Variants in CD44 observed in about 807,000 individuals in gnomAD.
The protein encoded by CD44 is CD44 antigen.
CD44 carries 49 observed loss-of-function variants against 88.8 expected under a neutral mutation model. The ratio of observed to expected loss-of-function variants is 0.55; its 90% confidence interval spans 0.44 to 0.70. The LOEUF is 0.70. CD44 is among the 30% of genes least tolerant of loss of function. The pLI, the probability that CD44 is intolerant of heterozygous loss-of-function variation, is 0.00. For synonymous variants in CD44, 325 were observed against 312.3 expected, an observed-to-expected ratio of 1.04 and a Z score of -0.43; for missense variants, 883 against 913.8, an observed-to-expected ratio of 0.97 and a Z score of 0.43.
At chr11:35,227,271 G>A (rs542502183) in intron 17 of CD44, among the ~76,000 whole-genome samples, 12 of 152,164 alleles carry the variant, frequency 7.9e-5, no homozygotes, top group Middle Eastern at 3.4e-3. Flanking sequence ...CTGCAGCCTC[G>A]ACTTCCTGGG....
chr11:35,210,112 G>A (rs1393545450), intron 13 of CD44, 58 bp downstream of exon 13: 2 of 992,362 alleles, frequency 2.0e-6, no homozygotes. Flanking sequence ...TCAATTATGG[G>A]TACTTTTGCA....
intron 7 of CD44, among the ~76,000 whole-genome samples, chr11:35,199,928 G>A (rs1947128715): frequency 2.1e-5 from 2 of 93,036 alleles, no homozygotes; most frequent in African/African-American, 8.3e-5. Context: ...AATTTCCCAT[G>A]GTGTTGTTTT....
chr11:35,202,266 A>C (rs1024401746), intron 9 of CD44, among the ~76,000 whole-genome samples: 1 of 152,128 alleles, frequency 6.6e-6, no homozygotes, highest in African/African-American at 2.4e-5. Flanking sequence ...CTTTAGAGCA[A>C]AGTTGGTAGC....
intron 1 of CD44, among the ~76,000 whole-genome samples, chr11:35,149,301 C>T (rs1338166758): frequency 2.0e-5 from 3 of 152,144 alleles, no homozygotes; most frequent in Non-Finnish European, 4.4e-5. Flanking sequence ...TAATCAGATG[C>T]TTGGTGTGGT....
chr11:35,147,954 G>A (rs908596097), intron 1 of CD44, among the ~76,000 whole-genome samples: 36 of 152,114 alleles, frequency 2.4e-4, no homozygotes, highest in Non-Finnish European at 8.8e-5. Context: ...AGCCGGGCAT[G>A]GTGGTGCATG....
At chr11:35,139,876 A>G (rs12362973) in intron 1 of CD44, among the ~76,000 whole-genome samples, 23,351 of 152,270 alleles carry the variant, frequency 0.15, 2,276 homozygotes, top group Non-Finnish European at 0.21. Flanking sequence ...GTTTTCCAGA[A>G]AGGGGTCCTG....
In CD44 at chr11:35,231,036, T is replaced by A. The variant is rs1379299210; in HGVS notation, c.*1703T>A. The stretch of plus-strand genomic sequence containing the variant: ...AAGGAGAGATGTCAACTTTCTGCAC[T>A]ATTCCCAGCCTCTGCTCCTCCCTGT... On this transcript the variant is annotated 3_prime_UTR_variant, in exon 18 of 18. Coordinates refer to ENST00000428726, the MANE Select transcript of CD44 (RefSeq NM_000610.4). 6.5e-6 allele frequency: 1 copy of A among 153,724 alleles called. No homozygotes were observed. Among genetic ancestry groups the A allele is most frequent in the Non-Finnish European group, 1.5e-5 (1 of 68,668 alleles). The allele number at this position is 153,724 out of a possible 1,614,324, so 9.5% of individuals were successfully genotyped here.
chr11:35,178,609 T>C (rs1398697914), intron 2 of CD44, among the ~76,000 whole-genome samples: 16 of 152,186 alleles, frequency 1.1e-4, no homozygotes, highest in Non-Finnish European at 1.2e-4. Flanking sequence ...TCATGCCACA[T>C]ACACACATAT....
intron 17 of CD44, among the ~76,000 whole-genome samples, chr11:35,227,578 C>T (rs1949793228): frequency 6.6e-6 from 1 of 152,228 alleles, no homozygotes; most frequent in Non-Finnish European, 1.5e-5. Context: ...CATCCTTCCC[C>T]CAACCCCTCA....
At chr11:35,185,565 C>T (rs1945579311) in intron 3 of CD44, among the ~76,000 whole-genome samples, 1 of 149,462 alleles carries the variant, frequency 6.7e-6, no homozygotes, top group African/African-American at 2.5e-5. Flanking sequence ...TGTCTGCCTG[C>T]CTGTCTTCCT....
intron 1 of CD44, among the ~76,000 whole-genome samples, chr11:35,143,167 G>T (rs1858351156): frequency 6.6e-6 from 1 of 151,574 alleles, no homozygotes; most frequent in Non-Finnish European, 1.5e-5. Flanking sequence ...ATATATTTTT[G>T]ACCATATAGC....
Position 35,223,128 on chromosome 11 carries a change from G to A in CD44, c.2024+1396G>A, listed in dbSNP as rs889679616. 5.1e-6 allele frequency: 5 copies of A among 985,254 alleles called. No homozygotes were observed. In the African/African-American group the frequency reaches 8.7e-5, roughly 17 times the overall value. 61.0% of individuals were successfully genotyped at this position (985,254 alleles called of 1,614,324 possible). On this transcript the variant is annotated intron_variant, in intron 17 of 17. Transcript: ENST00000428726. ...GGGCATAGTTTTAAAAAGTAGTTAT[G>A]CTACCTGATTGTATAAGGAACAAAA...
intron 1 of CD44, among the ~76,000 whole-genome samples, chr11:35,165,311 G>A (rs1470779441): frequency 6.6e-6 from 1 of 152,234 alleles, no homozygotes; most frequent in African/African-American, 2.4e-5. Flanking sequence ...GGCAGCACCA[G>A]AGGGGAATGG....
rs765612909 is a variant in CD44 at position 35,176,524 on chromosome 11, T to C, written c.68-51T>C. On this transcript the variant is annotated intron_variant, in intron 1 of 17. Coordinates refer to ENST00000428726, the MANE Select transcript of CD44 (RefSeq NM_000610.4). Reference sequence around the variant, plus strand: ...CTGTCCTAAACTGAACTTATTACTGTCTCCAAATTATTTATGCAAAAGAAT... The same window carrying C: ...CTGTCCTAAACTGAACTTATTACTGCCTCCAAATTATTTATGCAAAAGAAT... 1.9e-6 allele frequency: 3 copies of C among 1,548,898 alleles called. No homozygotes were observed. In the South Asian group the frequency reaches 3.6e-5, roughly 18 times the overall value.
chr11:35,180,391 T>C lies in CD44; in HGVS notation c.351T>C (p.Tyr117=). 1 of 1,614,082 alleles carries C rather than the reference T, an allele frequency of 6.2e-7. No homozygotes were observed. The highest frequency in any genetic ancestry group is 8.5e-7 in the Non-Finnish European group (1 of 1,179,968). Reference sequence around the variant, plus strand: ...CCAACACCTCCCAGTATGACACATATTGCTTCAATGCTTCAGGTTGGTTCT... The same window carrying C: ...CCAACACCTCCCAGTATGACACATACTGCTTCAATGCTTCAGGTTGGTTCT... The part of the protein sequence containing the change: ...LTSNTSQYDT[Y]CFNASAPPEE... The change falls in exon 3 of 18, where the codon TAT becomes TAC. Residue 117 remains tyrosine, a synonymous_variant. Coordinates refer to ENST00000428726, the MANE Select transcript of CD44 (RefSeq NM_000610.4).
intron 5 of CD44, 111 bp from the exon 6 acceptor site, chr11:35,196,635 C>A (rs550068583): frequency 4.4e-6 from 5 of 1,144,914 alleles, no homozygotes; most frequent in Non-Finnish European, 6.1e-6. Flanking sequence ...CCATCTATAT[C>A]AAATATAGAT....
chr11:35,181,399 T>A (rs73436944), intron 3 of CD44, among the ~76,000 whole-genome samples: 3,875 of 152,132 alleles, frequency 0.025, 162 homozygotes, highest in African/African-American at 0.088. Context: ...ATTCTATGCA[T>A]CATGAATTTT....
At chr11:35,188,068 C>A (rs967869091) in intron 4 of CD44, among the ~76,000 whole-genome samples, 1 of 152,180 alleles carries the variant, frequency 6.6e-6, no homozygotes, top group Non-Finnish European at 1.5e-5. Context: ...AACTGCTAAC[C>A]CTGATCTTAC....
intron 1 of CD44, among the ~76,000 whole-genome samples, chr11:35,174,589 T>C (rs1286706635): frequency 6.6e-6 from 1 of 152,168 alleles, no homozygotes; most frequent in African/African-American, 2.4e-5. Context: ...TTACACAGGA[T>C]CAAGTAGAAG....
Sources: allele counts gnomAD v4.1 joint callset (sites outside exome capture counted in the v4.1 genomes callset), GRCh38; gene constraint gnomAD v4.1.1; transcripts MANE v1.5; gene names NCBI Gene and HGNC (gene_info 2026-07-23, HGNC 2026-07-21).